The following KIF3A variants were observed in gnomAD, a reference collection of about 807,000 sequenced individuals.
The protein encoded by KIF3A is kinesin family member 3A.
In KIF3A, 27 loss-of-function variants were observed where a neutral mutation model predicts 92.6. That is an observed-to-expected ratio of 0.29 (90% CI 0.21 to 0.40). KIF3A has a LOEUF of 0.40. Ranked by LOEUF, KIF3A falls within the 10% of genes least tolerant of loss-of-function variation. The probability of loss-of-function intolerance (pLI) is 1.00; values close to 1 mark genes in which losing one functional copy is unlikely to be tolerated. For missense variants in KIF3A, 581 were observed against 872.6 expected (o/e 0.67, Z 4.21); for synonymous variants, 250 against 275.4 (o/e 0.91, Z 0.92).
chr5:132,723,949 A>G (rs1753913724), intron 4 of KIF3A, among the ~76,000 whole-genome samples: 1 of 152,266 alleles, frequency 6.6e-6, no homozygotes, highest in African/African-American at 2.4e-5. Context: ...AAACAAATTT[A>G]CAAGAAAAAA....
chr5:132,696,757 G>C (rs1200018694), intron 18 of KIF3A, 75 bp from the exon 19 acceptor site: 1 of 1,146,294 alleles, frequency 8.7e-7, no homozygotes, highest in Admixed American at 1.7e-5. Flanking sequence ...ACATTATATA[G>C]AAACTATGGG....
intron 4 of KIF3A, among the ~76,000 whole-genome samples, chr5:132,725,580 C>T (rs1035895566): frequency 2.6e-5 from 4 of 152,124 alleles, no homozygotes; most frequent in African/African-American, 9.7e-5. Context: ...TGCTATATGA[C>T]CTTGAGCAAG....
chr5:132,688,857 T>C (rs1000723521), downstream of KIF3A, among the ~76,000 whole-genome samples: 43 of 152,230 alleles, frequency 2.8e-4, no homozygotes, highest in African/African-American at 8.9e-4. Flanking sequence ...CCCAGTTAAA[T>C]TCCTTTGCAC....
chr5:132,708,995 T>C lies in KIF3A; in HGVS notation c.1229-17A>G. 6.5e-7 allele frequency: 1 copy of C among 1,537,766 alleles called. No individual in the cohort carries two copies. The highest frequency in any genetic ancestry group is 1.2e-5 in the South Asian group (1 of 83,776). ...TGCTACTGCCTGGAAAACAAAGAAATGAGCCCAACAGGAACCAAAGAAAGA... is the reference window on the plus strand; with the variant it reads ...TGCTACTGCCTGGAAAACAAAGAAACGAGCCCAACAGGAACCAAAGAAAGA... On this transcript the variant is annotated splice_polypyrimidine_tract_variant and intron_variant, in intron 9 of 18. Transcript: ENST00000403231.
chr5:132,715,664 A>G (rs1379746334), intron 8 of KIF3A, 93 bp downstream of exon 8: 2 of 883,774 alleles, frequency 2.3e-6, no homozygotes, highest in Non-Finnish European at 3.4e-6. Context: ...GAGGCTCAAA[A>G]AAGGTTTAAT....
downstream of KIF3A, among the ~76,000 whole-genome samples, chr5:132,690,516 G>A (rs902078812): frequency 2.0e-5 from 3 of 152,132 alleles, no homozygotes; most frequent in African/African-American, 7.2e-5. Flanking sequence ...AATACTGAGT[G>A]TTCACAAGGA....
At position 132,713,400 on chromosome 5, in the gene KIF3A, G is replaced by A. The variant is rs145194846; in HGVS notation, c.1130-2343C>T. Among the ~76,000 whole-genome samples, 774 of 152,080 alleles carry A rather than the reference G, an allele frequency of 5.1e-3. 2 individuals carry two copies. Among genetic ancestry groups the A allele is most frequent in the Non-Finnish European group, 8.0e-3 (544 of 67,966 alleles). On this transcript the variant is annotated intron_variant, in intron 8 of 18. Coordinates refer to ENST00000403231, the MANE Select transcript of KIF3A (RefSeq NM_001300791.2). ...TAACATGAGGTGAAGCTGGGTGAAG[G>A]GTAGATAGGAACTCTCCATATCATG...
chr5:132,699,431 C>A lies in KIF3A; in HGVS notation c.2008-136G>T. On this transcript the variant is annotated intron_variant, in intron 17 of 18. Transcript: ENST00000403231. ...AAACCAAAGAAATGTCTAATGACAT[C>A]ATCTTCTAATCCCAGTATCTAAAAT... is the stretch of plus-strand genomic sequence containing the variant. 3 of 796,228 alleles carry A rather than the reference C, an allele frequency of 3.8e-6. No individual in the cohort carries two copies. The South Asian group carries it at 4.8e-5, about 13-fold the overall frequency. 49.3% of individuals were successfully genotyped at this position (796,228 alleles called of 1,614,324 possible). A position where few individuals can be genotyped will look rare whatever the true frequency, so the allele number is the denominator to read the frequency against.
In KIF3A at chr5:132,735,233, C is replaced by G. The variant is rs556124954; in HGVS notation, c.7-755G>C. ...AGGATTACAGGCGTCCATCACCATG[C>G]CCAGCTAATTTTTGTATTTTTAGTA... On this transcript the variant is annotated intron_variant, in intron 1 of 18. Coordinates refer to ENST00000403231, the MANE Select transcript of KIF3A (RefSeq NM_001300791.2). 7.2e-5 allele frequency among the ~76,000 whole-genome samples: 11 copies of G among 152,214 alleles called. No homozygotes were observed. The South Asian group carries it at 1.9e-3, about 26-fold the overall frequency.
Position 132,696,487 on chromosome 5 carries a change from T to G in KIF3A, c.*147A>C, listed in dbSNP as rs930474272. On this transcript the variant is annotated 3_prime_UTR_variant, in exon 19 of 19. Coordinates refer to ENST00000403231, the MANE Select transcript of KIF3A (RefSeq NM_001300791.2). Reference sequence around the variant, plus strand: ...TTAATATATGTAGACTAAAAGTTCTTAAGCAAATTATTATTTCCAGTCTTA... The same window carrying G: ...TTAATATATGTAGACTAAAAGTTCTGAAGCAAATTATTATTTCCAGTCTTA... 5.6e-5 allele frequency: 35 copies of G among 625,560 alleles called. No individual in the cohort carries two copies. The Admixed American group carries it at 8.5e-4, about 15-fold the overall frequency. The allele number at this position is 625,560 out of a possible 1,614,324, so 38.8% of individuals were successfully genotyped here. A position where few individuals can be genotyped will look rare whatever the true frequency, so the allele number is the denominator to read the frequency against.
chr5:132,702,365 T>A (rs1753069148), intron 14 of KIF3A, among the ~76,000 whole-genome samples, 153 bp from the exon 15 acceptor site: 1 of 152,214 alleles, frequency 6.6e-6, no homozygotes, highest in South Asian at 2.1e-4. Flanking sequence ...TCAGCATCTA[T>A]TCTACACTAT....
intron 8 of KIF3A, 138 bp downstream of exon 8, chr5:132,715,619 A>G (rs1753593159): frequency 1.7e-6 from 1 of 599,904 alleles, no homozygotes; most frequent in African/African-American, 1.9e-5. Context: ...GTACCAAGTC[A>G]CTTTCTAGAA....
intron 15 of KIF3A, among the ~76,000 whole-genome samples, chr5:132,701,501 A>AC (rs1753036363): frequency 2.9e-5 from 1 of 34,698 alleles, no homozygotes; most frequent in South Asian, 1.4e-3. Flanking sequence ...TGTCTCCCTG[A>AC]CAAAAAAAAA....
In KIF3A at chr5:132,693,999, T is replaced by C. The variant is rs1581055342; in HGVS notation, c.*2635A>G. On this transcript the variant is annotated 3_prime_UTR_variant, in exon 19 of 19. Transcript: ENST00000403231. ...CCGTCTCAAAAAAAAAAAAAAGATATTCAGGCCAGGCTTATGTATCAAATT... is the reference window on the plus strand; with the variant it reads ...CCGTCTCAAAAAAAAAAAAAAGATACTCAGGCCAGGCTTATGTATCAAATT... 1 of 150,710 alleles carries C rather than the reference T, an allele frequency of 6.6e-6. No individual in the cohort carries two copies. Among genetic ancestry groups the C allele is most frequent in the Admixed American group, 6.6e-5 (1 of 15,056 alleles). 9.3% of individuals were successfully genotyped at this position (150,710 alleles called of 1,614,324 possible).
At chr5:132,729,717 A>G (rs1410455639) in intron 2 of KIF3A, among the ~76,000 whole-genome samples, 1 of 152,204 alleles carries the variant, frequency 6.6e-6, no homozygotes, top group Non-Finnish European at 1.5e-5. Flanking sequence ...AAAACATAGT[A>G]TGTCAAAATC....
Position 132,695,279 on chromosome 5 carries a change from C to G in KIF3A, c.*1355G>C, listed in dbSNP as rs1408471247. On this transcript the variant is annotated 3_prime_UTR_variant, in exon 19 of 19. Coordinates refer to ENST00000403231, the MANE Select transcript of KIF3A (RefSeq NM_001300791.2). ...CTCCGCCTCCCAGGTTCAAGTGATTCTCCTGCCTCAGCCTCCCAAGTAGCT... is the reference window on the plus strand; with the variant it reads ...CTCCGCCTCCCAGGTTCAAGTGATTGTCCTGCCTCAGCCTCCCAAGTAGCT... 1 of 152,312 alleles carries G rather than the reference C, an allele frequency of 6.6e-6. No individual in the cohort carries two copies. The highest frequency in any genetic ancestry group is 2.4e-5 in the African/African-American group (1 of 41,434). 9.4% of individuals were successfully genotyped at this position (152,312 alleles called of 1,614,324 possible).
intron 17 of KIF3A, among the ~76,000 whole-genome samples, chr5:132,699,895 T>C (rs548472952): frequency 6.6e-6 from 1 of 152,190 alleles, no homozygotes; most frequent in Non-Finnish European, 1.5e-5. Flanking sequence ...GGACTAGAAC[T>C]AGCTTTGAAG....
At chr5:132,727,761 G>C (rs1754082791) in intron 2 of KIF3A, among the ~76,000 whole-genome samples, 1 of 152,170 alleles carries the variant, frequency 6.6e-6, no homozygotes, top group Admixed American at 6.5e-5. Flanking sequence ...AGAAAACCAA[G>C]GGTCGATGTG....
chr5:132,703,208 G>A (rs1753100880), intron 12 of KIF3A, 143 bp from the exon 13 acceptor site: 16 of 724,144 alleles, frequency 2.2e-5, no homozygotes, highest in Middle Eastern at 2.9e-4. Context: ...ACACCACTGT[G>A]TAGTATCGAT....
Sources: gnomAD v4.1 joint callset for allele counts (sites outside exome capture counted in the v4.1 genomes callset) on GRCh38, gnomAD v4.1.1 for gene constraint, MANE v1.5 for transcripts, NCBI Gene and HGNC (gene_info 2026-07-23, HGNC 2026-07-21) for gene names.